MIPOL1: variants seen among roughly 807,000 people sequenced by gnomAD.
MIPOL1 encodes mirror-image polydactyly 1.
MIPOL1 carries 57 observed loss-of-function variants against 60.9 expected under a neutral mutation model. The observed-to-expected ratio is 0.94, with a 90% confidence interval of 0.76 to 1.17. The LOEUF (loss-of-function observed/expected upper bound fraction) is 1.17, where lower values mean the gene tolerates loss of function less well. MIPOL1 is among the 50% of genes most tolerant of loss of function. The pLI, the probability that MIPOL1 is intolerant of heterozygous loss-of-function variation, is 0.00. For missense variants in MIPOL1, 551 were observed against 511.6 expected (o/e 1.08, Z -0.74); for synonymous variants, 179 against 168.8 (o/e 1.06, Z -0.47).
intron 10 of MIPOL1, among the ~76,000 whole-genome samples, chr14:37,397,746 A>G (rs993358209): frequency 1.3e-5 from 2 of 152,046 alleles, no homozygotes; most frequent in African/African-American, 4.8e-5. Flanking sequence ...CGTTGTCAGG[A>G]AAGTGGGGAA....
intron 11 of MIPOL1, among the ~76,000 whole-genome samples, chr14:37,430,385 G>A (rs1024946203): frequency 2.6e-5 from 4 of 151,800 alleles, no homozygotes; most frequent in African/African-American, 7.3e-5. Context: ...CCATTAAGTT[G>A]TGTCTATTTT....
intron 12 of MIPOL1, among the ~76,000 whole-genome samples, chr14:37,519,877 T>C (rs758751716): frequency 9.2e-5 from 14 of 152,160 alleles, no homozygotes; most frequent in Non-Finnish European, 1.8e-4. Flanking sequence ...TTTTTAATTA[T>C]ATGGTGTCCA....
chr14:37,298,540 G>T (rs2086014294), intron 7 of MIPOL1, among the ~76,000 whole-genome samples: 1 of 152,082 alleles, frequency 6.6e-6, no homozygotes, highest in Non-Finnish European at 1.5e-5. Flanking sequence ...GACAATTTTT[G>T]CAACCTACTC....
chr14:37,420,975 A>G (rs2093862948), intron 10 of MIPOL1, among the ~76,000 whole-genome samples: 1 of 152,140 alleles, frequency 6.6e-6, no homozygotes, highest in South Asian at 2.1e-4. Context: ...CTTTGAACAT[A>G]ATCACTAGGG....
intron 11 of MIPOL1, among the ~76,000 whole-genome samples, chr14:37,455,614 C>G (rs1186882680): frequency 1.3e-5 from 2 of 151,992 alleles, no homozygotes; most frequent in Non-Finnish European, 2.9e-5. Context: ...GAACTGTTCT[C>G]TTGTAAATAA....
chr14:37,278,995 G>T lies in MIPOL1; in HGVS notation c.494-6323G>T, dbSNP rs185850081. 1.3e-4 allele frequency: 19 copies of T among 151,608 alleles called. No homozygotes were observed. In the East Asian group the frequency reaches 3.3e-3, roughly 26 times the overall value. The allele number at this position is 151,608 out of a possible 1,614,324, so 9.4% of individuals were successfully genotyped here. A position where few individuals can be genotyped will look rare whatever the true frequency, so the allele number is the denominator to read the frequency against. ...CTCTGAATCTTTCTCATTTGACTAA[G>T]AATTATAGGATATTTGATAACCGTG... On this transcript the variant is annotated intron_variant, in intron 6 of 12. Transcript: ENST00000684589.
intron 10 of MIPOL1, among the ~76,000 whole-genome samples, chr14:37,395,649 G>A (rs1377411555): frequency 6.6e-6 from 1 of 152,102 alleles, no homozygotes; most frequent in African/African-American, 2.4e-5. Context: ...AGTTCTAGGA[G>A]CTTTCTGGAG....
intron 10 of MIPOL1, among the ~76,000 whole-genome samples, chr14:37,396,705 G>A (rs965727876): frequency 7.2e-5 from 11 of 151,902 alleles, no homozygotes; most frequent in African/African-American, 2.7e-4. Context: ...GTTGGATTGG[G>A]TTAATTCAAA....
At chr14:37,524,694 G>A (rs1429967710) in intron 12 of MIPOL1, among the ~76,000 whole-genome samples, 6 of 150,452 alleles carry the variant, frequency 4.0e-5, no homozygotes, top group Non-Finnish European at 8.9e-5. Context: ...AGCCTCCCGA[G>A]TAGCTGGGAT....
chr14:37,258,465 A>G (rs1975332427), intron 3 of MIPOL1, among the ~76,000 whole-genome samples: 1 of 152,126 alleles, frequency 6.6e-6, no homozygotes, highest in Admixed American at 6.6e-5. Context: ...GGTTACAAAT[A>G]TATTACAAAT....
intron 11 of MIPOL1, among the ~76,000 whole-genome samples, chr14:37,460,465 C>T (rs761637786): frequency 2.0e-5 from 3 of 152,072 alleles, no homozygotes; most frequent in Non-Finnish European, 4.4e-5. Flanking sequence ...AAGACACCCA[C>T]TTTCACCCCT....
At chr14:37,527,706 A>G (rs2095456323) in intron 12 of MIPOL1, among the ~76,000 whole-genome samples, 1 of 152,130 alleles carries the variant, frequency 6.6e-6, no homozygotes. Flanking sequence ...CAAATATTGT[A>G]AATGCTTAAT....
intron 1 of MIPOL1, among the ~76,000 whole-genome samples, chr14:37,207,909 A>G (rs946271804): frequency 6.6e-6 from 1 of 152,026 alleles, no homozygotes; most frequent in Non-Finnish European, 1.5e-5. Context: ...TAAATCCCAT[A>G]CTTGTTTTTG....
intron 3 of MIPOL1, among the ~76,000 whole-genome samples, chr14:37,253,955 A>G (rs1000341356): frequency 1.3e-5 from 2 of 151,720 alleles, no homozygotes; most frequent in Admixed American, 1.3e-4. Flanking sequence ...AAAATTTTCC[A>G]TGTGCCATTG....
In MIPOL1 at chr14:37,538,437, A is replaced by T. The variant is rs188311249; in HGVS notation, c.1263-8468A>T. 4.5e-3 allele frequency among the ~76,000 whole-genome samples: 684 copies of T among 152,322 alleles called. 4 individuals are homozygous for T. Among genetic ancestry groups the T allele is most frequent in the Non-Finnish European group, 7.3e-3 (499 of 68,030 alleles). ...TCTGAAGACCTAAGTTAAAAACATA[A>T]AGAGTAGACTTCTCAAAAGAACAAA... On this transcript the variant is annotated intron_variant, in intron 12 of 12. Coordinates refer to ENST00000684589, the MANE Select transcript of MIPOL1 (RefSeq NM_001388067.1).
chr14:37,343,378 A>G (rs186361339), intron 9 of MIPOL1, among the ~76,000 whole-genome samples: 1 of 152,312 alleles, frequency 6.6e-6, no homozygotes. Flanking sequence ...TGATTTTTAA[A>G]AACTCTTCTA....
At chr14:37,318,099 A>C (rs564463970) in intron 9 of MIPOL1, among the ~76,000 whole-genome samples, 14 of 152,260 alleles carry the variant, frequency 9.2e-5, no homozygotes, top group African/African-American at 3.4e-4. Flanking sequence ...AAGCAGATTG[A>C]GATTAGGGAG....
intron 3 of MIPOL1, among the ~76,000 whole-genome samples, chr14:37,254,563 C>G (rs1341635995): frequency 6.6e-6 from 1 of 151,780 alleles, no homozygotes; most frequent in Non-Finnish European, 1.5e-5. Flanking sequence ...AACACCCAAC[C>G]TCTGTCTCTG....
chr14:37,466,905 C>T (rs1012624051), intron 11 of MIPOL1, among the ~76,000 whole-genome samples: 1 of 152,164 alleles, frequency 6.6e-6, no homozygotes, highest in Non-Finnish European at 1.5e-5. Flanking sequence ...CGCTTTCTCC[C>T]CAGTGATTGC....
Sources: gnomAD v4.1 joint callset for allele counts (sites outside exome capture counted in the v4.1 genomes callset) on GRCh38, gnomAD v4.1.1 for gene constraint, MANE v1.5 for transcripts, NCBI Gene and HGNC (gene_info 2026-07-23, HGNC 2026-07-21) for gene names.